The following CNTN5 variants were observed in gnomAD, a reference collection of about 807,000 sequenced individuals.
CNTN5 encodes contactin-5.
Under a neutral mutation model 129.1 loss-of-function variants are expected in CNTN5, and 77 were observed. The observed-to-expected ratio is 0.60, with a 90% confidence interval of 0.50 to 0.72. CNTN5 has a LOEUF of 0.72. Among genes scored for constraint, CNTN5 ranks in the 30% least tolerant of loss-of-function variants. CNTN5 has a pLI of 0.00. For missense variants in CNTN5, 1,478 were observed against 1,328.8 expected (o/e 1.11, Z -1.75); for synonymous variants, 509 against 465.6 (o/e 1.09, Z -1.20).
intron 1 of CNTN5, among the ~76,000 whole-genome samples, chr11:99,136,978 A>AT (rs1859264054): frequency 2.0e-5 from 3 of 152,268 alleles, no homozygotes; most frequent in Admixed American, 6.5e-5. Flanking sequence ...AAATATTCAA[A>AT]TTTTTTATCA....
At chr11:99,068,009 C>A (rs1865174181) in intron 1 of CNTN5, among the ~76,000 whole-genome samples, 1 of 152,056 alleles carries the variant, frequency 6.6e-6, no homozygotes. Flanking sequence ...GGTAGCTTCT[C>A]CTGCATTATT....
chr11:99,521,676 G>C (rs1264576247), intron 2 of CNTN5, among the ~76,000 whole-genome samples: 2 of 152,198 alleles, frequency 1.3e-5, no homozygotes, highest in African/African-American at 4.8e-5. Context: ...ATTAAGCAGT[G>C]AGTCCAAAGT....
intron 1 of CNTN5, among the ~76,000 whole-genome samples, chr11:99,228,494 G>A (rs1197573973): frequency 2.6e-5 from 4 of 151,958 alleles, no homozygotes; most frequent in Non-Finnish European, 4.4e-5. Flanking sequence ...TGAAATGTTC[G>A]CAGCATATAG....
In CNTN5 at chr11:100,204,297, A is replaced by ATATATATATATATAT. The variant is rs1555039166; in HGVS notation, c.1884+10634_1884+10635insTATATATATATATAT. Among the ~76,000 whole-genome samples the ATATATATATATATAT allele has an allele frequency of 4.5e-4, 8 of 17,658 alleles. 1 individual carries two copies. The highest frequency in any genetic ancestry group is 8.9e-4 in the Admixed American group (1 of 1,118). The allele number at this position is 17,658 out of a possible 152,430, so 11.6% of individuals were successfully genotyped here. A position where few individuals can be genotyped will look rare whatever the true frequency, so the allele number is the denominator to read the frequency against. ...GCTCACCAAGAAACAAACATTGACT[A>ATATATATATATATAT]ATATATATATATATATATATATATA... On this transcript the variant is annotated intron_variant, in intron 15 of 24. Transcript: ENST00000524871.
At chr11:100,262,306 A>T (rs937672810) in intron 17 of CNTN5, among the ~76,000 whole-genome samples, 1 of 152,174 alleles carries the variant, frequency 6.6e-6, no homozygotes, top group Non-Finnish European at 1.5e-5. Context: ...GCTGGAGAGG[A>T]TGTGGAGAAA....
chr11:99,392,092 C>G (rs1308516829), intron 2 of CNTN5, among the ~76,000 whole-genome samples: 1 of 151,028 alleles, frequency 6.6e-6, no homozygotes, highest in African/African-American at 2.4e-5. Flanking sequence ...AGAACTTGGA[C>G]TACCCTAAGG....
chr11:99,105,690 T>C (rs941768041), intron 1 of CNTN5, among the ~76,000 whole-genome samples: 3 of 152,126 alleles, frequency 2.0e-5, no homozygotes, highest in Admixed American at 6.6e-5. Context: ...AAGAGCCCAC[T>C]TCCAGGATAA....
At chr11:99,475,584 T>C (rs750090124) in intron 2 of CNTN5, among the ~76,000 whole-genome samples, 1 of 152,172 alleles carries the variant, frequency 6.6e-6, no homozygotes, top group Non-Finnish European at 1.5e-5. Context: ...TCTTATTCTC[T>C]GATTTAAACT....
chr11:99,389,036 T>TTTTA (rs1555129852), intron 2 of CNTN5, among the ~76,000 whole-genome samples: 1 of 151,080 alleles, frequency 6.6e-6, no homozygotes, highest in Non-Finnish European at 1.5e-5. Flanking sequence ...TTTTATTTTA[T>TTTTA]TTTATTTTTT....
chr11:99,617,061 AG>A (rs1475987949), intron 3 of CNTN5, among the ~76,000 whole-genome samples: 3 of 152,236 alleles, frequency 2.0e-5, no homozygotes, highest in Non-Finnish European at 2.9e-5. Context: ...CAGTGAGCCA[AG>A]ATTGTGCCAT....
intron 18 of CNTN5, among the ~76,000 whole-genome samples, chr11:100,272,090 T>A (rs959977277): frequency 3.3e-5 from 5 of 152,136 alleles, no homozygotes; most frequent in African/African-American, 7.2e-5. Flanking sequence ...GGATCAGGGA[T>A]AGGTATAGGG....
intron 3 of CNTN5, among the ~76,000 whole-genome samples, chr11:99,651,372 A>T (rs537658931): frequency 6.6e-6 from 1 of 152,058 alleles, no homozygotes; most frequent in Admixed American, 6.6e-5. Context: ...GTTAAAAAAA[A>T]ATTCTAAAGG....
At chr11:99,725,182 A>G (rs1349949169) in intron 3 of CNTN5, among the ~76,000 whole-genome samples, 1 of 152,190 alleles carries the variant, frequency 6.6e-6, no homozygotes, top group Non-Finnish European at 1.5e-5. Flanking sequence ...GGAAACAGTT[A>G]TCATCCTCCC....
At chr11:99,351,090 CA>C (rs1938265580) in intron 2 of CNTN5, among the ~76,000 whole-genome samples, 1 of 151,908 alleles carries the variant, frequency 6.6e-6, no homozygotes, top group Non-Finnish European at 1.5e-5. Context: ...ATGGGTGCAG[CA>C]AACCACCATG....
intron 1 of CNTN5, among the ~76,000 whole-genome samples, chr11:99,268,972 C>T (rs952850433): frequency 6.6e-6 from 1 of 151,964 alleles, no homozygotes; most frequent in African/African-American, 2.4e-5. Context: ...TTGATGTAAG[C>T]ATTTGACCTG....
chr11:99,602,029 A>C (rs1282901142), intron 3 of CNTN5, among the ~76,000 whole-genome samples: 1 of 152,128 alleles, frequency 6.6e-6, no homozygotes, highest in Non-Finnish European at 1.5e-5. Flanking sequence ...TAAATATTAC[A>C]TATACAGAGA....
At chr11:99,576,559 C>T (rs1949357176) in intron 3 of CNTN5, among the ~76,000 whole-genome samples, 1 of 152,150 alleles carries the variant, frequency 6.6e-6, no homozygotes, top group South Asian at 2.1e-4. Context: ...GAGAAAAAGG[C>T]AACCCTTCAG....
At chr11:99,644,330 C>G (rs193137084) in intron 3 of CNTN5, among the ~76,000 whole-genome samples, 4 of 152,184 alleles carry the variant, frequency 2.6e-5, no homozygotes, top group Admixed American at 2.0e-4. Context: ...TTGGCAAGGT[C>G]TTAGTTTCTT....
chr11:99,124,050 T>A (rs1378439751), intron 1 of CNTN5, among the ~76,000 whole-genome samples: 1 of 152,094 alleles, frequency 6.6e-6, no homozygotes, highest in Non-Finnish European at 1.5e-5. Context: ...GTATTTATTG[T>A]CCTAATTCTG....
Sources: gnomAD v4.1 joint callset for allele counts (sites outside exome capture counted in the v4.1 genomes callset) on GRCh38, gnomAD v4.1.1 for gene constraint, MANE v1.5 for transcripts, NCBI Gene and HGNC (gene_info 2026-07-23, HGNC 2026-07-21) for gene names.